The following POM121C variants were observed in gnomAD, a reference collection of about 807,000 sequenced individuals.
POM121C encodes the protein POM121 transmembrane nucleoporin C.
Under a neutral mutation model 66.4 loss-of-function variants are expected in POM121C, and 20 were observed. That is an observed-to-expected ratio of 0.30 (90% CI 0.21 to 0.44). The LOEUF is 0.44. POM121C is among the 20% of genes least tolerant of loss of function. The pLI, the probability that POM121C is intolerant of heterozygous loss-of-function variation, is 1.00. For missense variants in POM121C, 580 were observed against 1,225.7 expected (o/e 0.47, Z 7.87); for synonymous variants, 286 against 528.0 (o/e 0.54, Z 6.28).
At chr7:75,477,304 T>C (rs1189773600) in intron 1 of POM121C, among the ~76,000 whole-genome samples, 4 of 152,112 alleles carry the variant, frequency 2.6e-5, no homozygotes, top group African/African-American at 9.7e-5. Flanking sequence ...TAAAAGTGCT[T>C]GGGCACGGTG....
chr7:75,477,375 G>T (rs1484285877), intron 1 of POM121C, among the ~76,000 whole-genome samples: 4 of 152,194 alleles, frequency 2.6e-5, no homozygotes, highest in African/African-American at 9.7e-5. Context: ...CTGAGGTCAG[G>T]AGTTCAAGAC....
chr7:75,441,338 T>G, intron 4 of POM121C, 94 bp downstream of exon 4: 2 of 1,433,896 alleles, frequency 1.4e-6, no homozygotes, highest in Non-Finnish European at 1.9e-6. Context: ...TCGTCCTTTC[T>G]TTTTTGCGTT....
At chr7:75,433,442 G>A (rs1790268012) in intron 7 of POM121C, among the ~76,000 whole-genome samples, 2 of 151,380 alleles carry the variant, frequency 1.3e-5, no homozygotes, top group Non-Finnish European at 1.5e-5. Context: ...TGCAAGCTCC[G>A]CCTCCCGGGT....
At chr7:75,471,831 C>T (rs1791890649) in intron 3 of POM121C, among the ~76,000 whole-genome samples, 2 of 152,148 alleles carry the variant, frequency 1.3e-5, no homozygotes, top group African/African-American at 4.8e-5. Context: ...CTCAACAATG[C>T]AAATACAGTT....
Position 75,437,187 on chromosome 7 carries a change from C to A in POM121C, c.480+328G>T, listed in dbSNP as rs782559036. On this transcript the variant is annotated intron_variant, in intron 7 of 14. Transcript: ENST00000615331. ...ACTGCTTTACATTCCGGGCTTTCTA[C>A]TCCGTTCTGCTGGCCTATATTGATC... 7.9e-5 allele frequency among the ~76,000 whole-genome samples: 12 copies of A among 152,352 alleles called. No individual in the cohort carries two copies. In the Middle Eastern group the frequency reaches 0.014, roughly 173 times the overall value.
At chr7:75,481,852 A>G (rs1554480174) in intron 1 of POM121C, among the ~76,000 whole-genome samples, 2 of 152,182 alleles carry the variant, frequency 1.3e-5, no homozygotes, top group African/African-American at 4.8e-5. Flanking sequence ...GCTAGTAAAT[A>G]AAGAAGAAAT....
rs782647451 is a variant in POM121C, at chr7:75,424,050, T to G, written c.1047A>C (p.Pro349=). The part of the protein sequence containing the change: ...MQTPPSLPPC[P]ESAGAATTEA... Reference sequence around the variant, plus strand: ...ATCCACGGCCCCACTCCAGCTCACCTGGGCAGGGTGGCAGGCTCGGGGGAG... The same window carrying G: ...ATCCACGGCCCCACTCCAGCTCACCGGGGCAGGGTGGCAGGCTCGGGGGAG... Residue 349 remains proline (P), a splice_region_variant and synonymous_variant, in exon 12 of 15, where the codon CCA becomes CCC. Transcript: ENST00000615331. 3.1e-6 allele frequency: 5 copies of G among 1,611,206 alleles called. No homozygotes were observed. Among genetic ancestry groups the G allele is most frequent in the Non-Finnish European group, 4.2e-6 (5 of 1,179,378 alleles).
In POM121C at chr7:75,419,254, G is replaced by A. The variant is rs587682064; in HGVS notation, c.2866+66C>T. 2.8e-4 allele frequency: 433 copies of A among 1,534,182 alleles called. 1 individual carries two copies. The highest frequency in any genetic ancestry group is 3.5e-4 in the Non-Finnish European group (405 of 1,142,432). On this transcript the variant is annotated intron_variant, in intron 14 of 14. Coordinates refer to ENST00000615331, the MANE Select transcript of POM121C (RefSeq NM_001099415.3). ...TTCACGGGGCCTCAGAGGGCCAGGA[G>A]CCTGCCACCCCACCCAACCTCTCCT... is the stretch of plus-strand genomic sequence containing the variant.
chr7:75,468,222 G>A (rs6963105), intron 3 of POM121C, among the ~76,000 whole-genome samples: 57,300 of 148,770 alleles, frequency 0.39, 13,771 homozygotes, highest in East Asian at 0.94. Context: ...GAACTCACCC[G>A]CTCCAGTCGG....
At chr7:75,425,538 A>G (rs1457027637) in intron 9 of POM121C, 97 bp downstream of exon 9, 2 of 1,097,612 alleles carry the variant, frequency 1.8e-6, no homozygotes, top group African/African-American at 3.2e-5. Flanking sequence ...AGACATAGCA[A>G]TGCTCAAGAC....
At chr7:75,450,340 G>T (rs1790980033) in intron 3 of POM121C, among the ~76,000 whole-genome samples, 1 of 152,072 alleles carries the variant, frequency 6.6e-6, no homozygotes. Context: ...CAGGAAAGCT[G>T]GGGAGAATTC....
chr7:75,471,890 C>T (rs587638022), intron 3 of POM121C, among the ~76,000 whole-genome samples: 7 of 152,086 alleles, frequency 4.6e-5, no homozygotes, highest in Admixed American at 1.3e-4. Context: ...TTGTATGTTA[C>T]GTTTTTGTTT....
At chr7:75,452,928 G>A (rs1791073877) in intron 3 of POM121C, among the ~76,000 whole-genome samples, 1 of 152,120 alleles carries the variant, frequency 6.6e-6, no homozygotes, top group Non-Finnish European at 1.5e-5. Context: ...GTCAGGGTGG[G>A]GAGGGAGAGG....
Position 75,421,687 on chromosome 7 carries a change from G to A in POM121C, c.2565C>T (p.Thr855=). Residue 855 remains threonine (T), a synonymous_variant, in exon 13 of 15, where the codon ACC becomes ACT. Coordinates refer to ENST00000615331, the MANE Select transcript of POM121C (RefSeq NM_001099415.3). ...GSGSFGINVA[T]PGSSATTGAF... is the part of the protein sequence containing the mutation. ...CTCCGGTGGTGGCGCTGGAGCCTGG[G>A]GTGGCCACGTTGATCCCAAAGCTCC... 6.2e-7 allele frequency: 1 copy of A among 1,609,602 alleles called. No homozygotes were observed. The highest frequency in any genetic ancestry group is 1.1e-5 in the South Asian group (1 of 90,718).
chr7:75,426,730 G>A (rs1246755411), intron 7 of POM121C, among the ~76,000 whole-genome samples: 1 of 63,444 alleles, frequency 1.6e-5, no homozygotes, highest in Non-Finnish European at 3.0e-5. Flanking sequence ...CAACTACTCA[G>A]GAGGCTGCAG....
chr7:75,481,524 G>C (rs1471146550), intron 1 of POM121C, among the ~76,000 whole-genome samples: 9 of 152,218 alleles, frequency 5.9e-5, no homozygotes, highest in Admixed American at 3.9e-4. Context: ...ATAGAGAATA[G>C]AAATTTATCT....
rs587640179 is a variant in POM121C at position 75,443,439 on chromosome 7, T to C, written c.-151-1792A>G. On this transcript the variant is annotated intron_variant, in intron 3 of 14. Coordinates refer to ENST00000615331, the MANE Select transcript of POM121C (RefSeq NM_001099415.3). ...TGTGAATTATATCTTAATAAAGCTG[T>C]TTAAAAAGTCTGGTAGTCTGCCAAT... Among the ~76,000 whole-genome samples the C allele has an allele frequency of 5.9e-5, 9 of 152,342 alleles. No homozygotes were observed. The East Asian group carries it at 1.5e-3, about 26-fold the overall frequency.
chr7:75,423,621 G>A (rs1789813206), intron 12 of POM121C, among the ~76,000 whole-genome samples: 1 of 151,944 alleles, frequency 6.6e-6, no homozygotes, highest in Admixed American at 6.6e-5. Context: ...TGATAAAGAG[G>A]TGTGCGCGCG....
chr7:75,419,463 A>T, intron 13 of POM121C, 21 bp from the exon 14 acceptor site: 1 of 1,612,474 alleles, frequency 6.2e-7, no homozygotes, highest in Non-Finnish European at 8.5e-7. Flanking sequence ...GAGAACAGAG[A>T]GCTAGCCAGT....
Sources: gnomAD v4.1 joint callset for allele counts (sites outside exome capture counted in the v4.1 genomes callset) on GRCh38, gnomAD v4.1.1 for gene constraint, MANE v1.5 for transcripts, NCBI Gene and HGNC (gene_info 2026-07-23, HGNC 2026-07-21) for gene names.